The following KRIT1 variants were observed in gnomAD, a reference collection of about 807,000 sequenced individuals.
KRIT1 encodes KRIT1 ankyrin repeat containing.
Under a neutral mutation model 95.8 loss-of-function variants are expected in KRIT1, and 45 were observed. The ratio of observed to expected loss-of-function variants is 0.47; its 90% confidence interval spans 0.37 to 0.60. The LOEUF (loss-of-function observed/expected upper bound fraction) is 0.60, where lower values mean the gene tolerates loss of function less well. Among genes scored for constraint, KRIT1 ranks in the 20% least tolerant of loss-of-function variants. The probability of loss-of-function intolerance (pLI) is 0.00; values close to 1 mark genes in which losing one functional copy is unlikely to be tolerated. For synonymous variants in KRIT1, 282 were observed against 278.8 expected (o/e 1.01, Z -0.11); for missense variants, 788 against 877.5 (o/e 0.90, Z 1.29).
At chr7:92,212,188 T>C (rs1338325304) in intron 17 of KRIT1, among the ~76,000 whole-genome samples, 2 of 152,190 alleles carry the variant, frequency 1.3e-5, no homozygotes, top group Non-Finnish European at 2.9e-5. Context: ...CTAGTGGATA[T>C]TCAATCCCTT....
Position 92,200,604 on chromosome 7 carries a change from AG to A in KRIT1, c.*131del. ...TGACTTCAGGTGATCCGCCTGCCCC[AG>A]CCTCCCAAAGTGCTGGAATTACAGG... is the stretch of plus-strand genomic sequence containing the variant. On this transcript the variant is annotated 3_prime_UTR_variant, in exon 19 of 19. Coordinates refer to ENST00000394505, the MANE Select transcript of KRIT1 (RefSeq NM_194454.3). 1 of 701,294 alleles carries A rather than the reference AG, an allele frequency of 1.4e-6. No individual in the cohort carries two copies. The highest frequency in any genetic ancestry group is 1.5e-5 in the South Asian group (1 of 66,378). 43.4% of individuals were successfully genotyped at this position (701,294 alleles called of 1,614,324 possible).
At chr7:92,237,827 A>G (rs1417885476) in intron 5 of KRIT1, 68 bp from the exon 6 acceptor site, 1 of 835,688 alleles carries the variant, frequency 1.2e-6, no homozygotes, top group African/African-American at 1.7e-5. Context: ...TTACCTTGAG[A>G]ATTAGAAAAC....
chr7:92,225,310 TTTTG>T (rs769317414), intron 12 of KRIT1, among the ~76,000 whole-genome samples: 53 of 152,256 alleles, frequency 3.5e-4, no homozygotes, highest in African/African-American at 7.7e-4. Flanking sequence ...CAATGAGGTT[TTTTG>T]TTTGTTTGTT....
At chr7:92,217,288 T>C (rs1445317179) in intron 14 of KRIT1, among the ~76,000 whole-genome samples, 1 of 152,184 alleles carries the variant, frequency 6.6e-6, no homozygotes, top group African/African-American at 2.4e-5. Context: ...GATATAATAT[T>C]TGTCATTTGA....
At chr7:92,235,669 A>G in intron 7 of KRIT1, 23 bp from the exon 8 acceptor site, 1 of 1,612,326 alleles carries the variant, frequency 6.2e-7, no homozygotes. Flanking sequence ...AAAAACAGGT[A>G]GAAGTAGCCA....
chr7:92,230,979 A>T, intron 10 of KRIT1, among the ~76,000 whole-genome samples: 1 of 152,230 alleles, frequency 6.6e-6, no homozygotes, highest in East Asian at 1.9e-4. Flanking sequence ...TATACAGTGA[A>T]GCTCCAAGTG....
Position 92,218,715 on chromosome 7 carries a change from T to C in KRIT1, c.1563+3187A>G, listed in dbSNP as rs532378510. On this transcript the variant is annotated intron_variant, in intron 14 of 18. Coordinates refer to ENST00000394505, the MANE Select transcript of KRIT1 (RefSeq NM_194454.3). Reference sequence around the variant, plus strand: ...GGTTGTTGGCCTTTTTATTGTTGAGTTGTAGGAGTTCTTTATATATTCTGG... The same window carrying C: ...GGTTGTTGGCCTTTTTATTGTTGAGCTGTAGGAGTTCTTTATATATTCTGG... 1.3e-4 allele frequency among the ~76,000 whole-genome samples: 20 copies of C among 152,192 alleles called. No homozygotes were observed. In the South Asian group the frequency reaches 3.9e-3, roughly 30 times the overall value.
At chr7:92,241,816 AACTC>A (rs1185221435) in intron 4 of KRIT1, among the ~76,000 whole-genome samples, 5 of 152,204 alleles carry the variant, frequency 3.3e-5, no homozygotes, top group African/African-American at 9.7e-5. Context: ...TTGTAAGAAA[AACTC>A]AAACAAGTAA....
intron 3 of KRIT1, among the ~76,000 whole-genome samples, chr7:92,242,569 A>G (rs1017262440): frequency 1.3e-5 from 2 of 151,938 alleles, no homozygotes; most frequent in Non-Finnish European, 2.9e-5. Context: ...AGTGAATGTT[A>G]GTTATACTGT....
intron 5 of KRIT1, among the ~76,000 whole-genome samples, chr7:92,238,954 T>C (rs1423674625): frequency 6.6e-6 from 1 of 152,214 alleles, no homozygotes; most frequent in Non-Finnish European, 1.5e-5. Flanking sequence ...AGTACAAAAA[T>C]TTTAAGCCTA....
chr7:92,221,945 A>C lies in KRIT1; in HGVS notation c.1520T>G (p.Phe507Cys). ...GGGAAGTCTCACATCTCTTCTTAGA[A>C]AAAGCTGAGGTGTTTCCCTTTGAGG... ...LDPQRETPQLFLRRDVRLPLE... is the reference protein window; with the variant it reads ...LDPQRETPQLCLRRDVRLPLE... The change falls in exon 14 of 19, where the codon TTT (phenylalanine) becomes TGT (cysteine). Residue 507 changes from phenylalanine to cysteine, a missense_variant. Coordinates refer to ENST00000394505, the MANE Select transcript of KRIT1 (RefSeq NM_194454.3). 4 of 1,613,944 alleles carry C rather than the reference A, an allele frequency of 2.5e-6. No individual in the cohort carries two copies. Among genetic ancestry groups the C allele is most frequent in the Non-Finnish European group, 3.4e-6 (4 of 1,179,854 alleles).
intron 12 of KRIT1, 104 bp from the exon 13 acceptor site, chr7:92,223,082 A>G: frequency 1.3e-6 from 1 of 752,216 alleles, no homozygotes; most frequent in Non-Finnish European, 2.3e-6. Context: ...GATTTCTAAC[A>G]TGAAAAATAT....
chr7:92,242,066 T>G lies in KRIT1; in HGVS notation c.70A>C (p.Asn24His), dbSNP rs1310750547. The G allele has an allele frequency of 3.8e-6, 6 of 1,589,884 alleles. No individual in the cohort carries two copies. Among genetic ancestry groups the G allele is most frequent in the Middle Eastern group, 1.7e-4 (1 of 6,018 alleles). ...GACTTAGCTCTGTATTCCCGAGAAT[T>G]GAGACTGGCAGTATTCTTTGGACGA... ...VIRPKNTASL[N>H]SREYRAKSYE... The change falls in exon 4 of 19, where the codon AAT (asparagine) becomes CAT (histidine). Residue 24 changes from asparagine (N) to histidine (H), a missense_variant. By Grantham distance (68) the Asn-to-His change is moderately conservative. Around this residue, in one of 3 missense-constraint regions of KRIT1, gnomAD observed 289 missense variants for 277.5 expected, o/e 1.04. Transcript: ENST00000394505.
chr7:92,239,707 CTTTT>C (rs35969231), intron 5 of KRIT1, among the ~76,000 whole-genome samples: 2 of 132,608 alleles, frequency 1.5e-5, no homozygotes, highest in Non-Finnish European at 3.2e-5. Context: ...TATGCAGGAA[CTTTT>C]TTTTTTTTTT....
intron 5 of KRIT1, among the ~76,000 whole-genome samples, chr7:92,239,256 G>A (rs1168867900): frequency 6.6e-6 from 1 of 152,188 alleles, no homozygotes; most frequent in Non-Finnish European, 1.5e-5. Context: ...ACCAGGGGAA[G>A]TTTTTTGTTA....
intron 5 of KRIT1, among the ~76,000 whole-genome samples, chr7:92,238,015 G>A (rs1359555701): frequency 6.6e-6 from 1 of 152,106 alleles, no homozygotes; most frequent in Non-Finnish European, 1.5e-5. Flanking sequence ...AAACTGTTCT[G>A]CTAAGAGCTG....
chr7:92,213,063 T>C (rs773070457), intron 17 of KRIT1, 132 bp downstream of exon 17: 1 of 647,634 alleles, frequency 1.5e-6, no homozygotes, highest in Non-Finnish European at 2.8e-6. Flanking sequence ...AGTGTCCCCC[T>C]TCCTCTTATG....
chr7:92,220,958 G>C (rs1209985167), intron 14 of KRIT1, among the ~76,000 whole-genome samples: 1 of 151,606 alleles, frequency 6.6e-6, no homozygotes, highest in Non-Finnish European at 1.5e-5. Context: ...AAAGTGCTGG[G>C]ATTACAGGCA....
chr7:92,219,995 A>T (rs1794798933), intron 14 of KRIT1, among the ~76,000 whole-genome samples: 1 of 152,246 alleles, frequency 6.6e-6, no homozygotes, highest in Non-Finnish European at 1.5e-5. Flanking sequence ...GAATTAATTT[A>T]GTAGCTCTAG....
Sources: allele counts gnomAD v4.1 joint callset (sites outside exome capture counted in the v4.1 genomes callset), GRCh38; gene constraint gnomAD v4.1.1; regional missense constraint gnomAD v4.1.1; transcripts MANE v1.5; gene names NCBI Gene and HGNC (gene_info 2026-07-23, HGNC 2026-07-21).